Variants in EIF2B3 observed in about 807,000 individuals in gnomAD.
EIF2B3 encodes translation initiation factor eIF2B subunit gamma.
In EIF2B3, 20 loss-of-function variants were observed where a neutral mutation model predicts 54.1. That is an observed-to-expected ratio of 0.37 (90% CI 0.26 to 0.54). The LOEUF (loss-of-function observed/expected upper bound fraction) is 0.54, where lower values mean the gene tolerates loss of function less well. Among genes scored for constraint, EIF2B3 ranks in the 20% least tolerant of loss-of-function variants. The pLI, the probability that EIF2B3 is intolerant of heterozygous loss-of-function variation, is 0.86. For missense variants in EIF2B3, 448 were observed against 547.8 expected, an observed-to-expected ratio of 0.82 and a Z score of 1.82; for synonymous variants, 153 against 188.1, an observed-to-expected ratio of 0.81 and a Z score of 1.52.
intron 6 of EIF2B3, among the ~76,000 whole-genome samples, chr1:44,895,520 C>A (rs1001746175): frequency 6.6e-6 from 1 of 151,808 alleles, no homozygotes; most frequent in Non-Finnish European, 1.5e-5. Context: ...GCCTCTCTCT[C>A]TCTCTCTCTA....
Position 44,926,630 on chromosome 1 carries a change from C to A in EIF2B3, c.564G>T (p.Gln188His), listed in dbSNP as rs545295324. The A allele has an allele frequency of 5.0e-6, 8 of 1,613,284 alleles. No individual in the cohort carries two copies. Among genetic ancestry groups the A allele is most frequent in the Non-Finnish European group, 5.1e-6 (6 of 1,179,526 alleles). Residue 188 changes from glutamine (Q) to histidine (H), a missense_variant and splice_region_variant, in exon 5 of 12, where the codon CAG becomes CAT. Coordinates refer to ENST00000360403, the MANE Select transcript of EIF2B3 (RefSeq NM_020365.5). ...EELVIKGSIL[Q>H]KHPRIRFHTG... Reference sequence around the variant, plus strand: ...GAAGAAAAAACCCTAGGGCTTACTTCTGTAGGATGGATCCCTTAATGACCA... The same window carrying A: ...GAAGAAAAAACCCTAGGGCTTACTTATGTAGGATGGATCCCTTAATGACCA...
intron 10 of EIF2B3, 170 bp downstream of exon 10, chr1:44,874,508 C>G: frequency 1.5e-6 from 1 of 676,270 alleles, no homozygotes; most frequent in Non-Finnish European, 2.4e-6. Flanking sequence ...AATAAATTTC[C>G]TAGTAAAGTT....
At chr1:44,927,443 A>G (rs1643864940) in intron 4 of EIF2B3, among the ~76,000 whole-genome samples, 1 of 152,030 alleles carries the variant, frequency 6.6e-6, no homozygotes, top group South Asian at 2.1e-4. Context: ...TCACTATCAC[A>G]AGAACAGCAC....
At chr1:44,852,555 G>A (rs1023239441) in intron 11 of EIF2B3, among the ~76,000 whole-genome samples, 2 of 152,016 alleles carry the variant, frequency 1.3e-5, no homozygotes, top group Non-Finnish European at 2.9e-5. Context: ...CAAAGCAGGT[G>A]GATCACCTGA....
chr1:44,881,736 T>C lies in EIF2B3; in HGVS notation c.660A>G (p.Ser220=). The change falls in exon 7 of 12, where the codon TCA becomes TCG. Residue 220 remains serine, a synonymous_variant. Coordinates refer to ENST00000360403, the MANE Select transcript of EIF2B3 (RefSeq NM_020365.5). This position sits in a 1 kb window ranked among gnomAD's most constrained non-coding sequence, Gnocchi z 4.0. ...YIVDFLMENG[S]ITSIRSELIP... is the part of the protein sequence containing the mutation. ...TCAGTTCACTCCGGATAGAAGTTAT[T>C]GACCTAGAAAGAAAGAATGGCCAAA... is the stretch of plus-strand genomic sequence containing the variant. The C allele has an allele frequency of 6.2e-7, 1 of 1,614,136 alleles. No individual in the cohort carries two copies. The highest frequency in any genetic ancestry group is 8.5e-7 in the Non-Finnish European group (1 of 1,179,986).
intron 8 of EIF2B3, among the ~76,000 whole-genome samples, chr1:44,877,189 C>CAA (rs1655196149): frequency 3.4e-5 from 1 of 29,464 alleles, no homozygotes; most frequent in Non-Finnish European, 6.2e-5. Flanking sequence ...CAAGAATGAT[C>CAA]AATAAAAAAA....
chr1:44,950,242 G>A (rs1644145783), intron 3 of EIF2B3, among the ~76,000 whole-genome samples: 1 of 152,162 alleles, frequency 6.6e-6, no homozygotes, highest in Non-Finnish European at 1.5e-5. Flanking sequence ...GGGCAACATA[G>A]CGAGACCTTA....
intron 3 of EIF2B3, among the ~76,000 whole-genome samples, chr1:44,945,215 A>C (rs1302818693): frequency 6.6e-6 from 1 of 151,936 alleles, no homozygotes; most frequent in Non-Finnish European, 1.5e-5. Flanking sequence ...TCTTCTGCTT[A>C]AGGCTCTCTA....
Position 44,880,008 on chromosome 1 carries a change from T to C in EIF2B3, c.785A>G (p.Asp262Gly). Reference protein sequence around the residue: ...DLKKKELKSLDIYSFIKEANT... With the variant: ...DLKKKELKSLGIYSFIKEANT... ...GGCTTCTTTTATAAAACTGTAGATA[T>C]CTTCAGAACAAACACCCAACCAAGG... Residue 262 changes from aspartate (D) to glycine (G), a missense_variant and splice_region_variant, in exon 8 of 12, where the codon GAT becomes GGT. Asp to Gly is a moderately conservative substitution (Grantham distance 94). This residue lies in a region of EIF2B3 where 350 missense variants were observed against 414.2 expected (regional missense o/e 0.85). Coordinates refer to ENST00000360403, the MANE Select transcript of EIF2B3 (RefSeq NM_020365.5). The C allele has an allele frequency of 6.2e-7, 1 of 1,614,084 alleles. No homozygotes were observed. Among genetic ancestry groups the C allele is most frequent in the South Asian group, 1.1e-5 (1 of 91,078 alleles).
chr1:44,858,665 A>G (rs923768079), intron 10 of EIF2B3, among the ~76,000 whole-genome samples: 4 of 151,970 alleles, frequency 2.6e-5, no homozygotes, highest in African/African-American at 9.7e-5. Context: ...GGGTTTCACC[A>G]TGTTGGCCAG....
intron 3 of EIF2B3, among the ~76,000 whole-genome samples, chr1:44,948,926 G>A (rs1413561085): frequency 6.6e-6 from 1 of 152,008 alleles, no homozygotes; most frequent in African/African-American, 2.4e-5. Flanking sequence ...GGAGTAAAAT[G>A]GCACGATCAC....
At chr1:44,963,711 G>A (rs995725178) in intron 3 of EIF2B3, among the ~76,000 whole-genome samples, 13 of 152,096 alleles carry the variant, frequency 8.5e-5, no homozygotes, top group African/African-American at 3.1e-4. Context: ...TCCACTACTC[G>A]GGCTGTAATG....
At chr1:44,878,276 T>C (rs560384324) in intron 8 of EIF2B3, among the ~76,000 whole-genome samples, 78 of 152,304 alleles carry the variant, frequency 5.1e-4, no homozygotes, top group African/African-American at 1.8e-3. Context: ...CTTTTTCTTT[T>C]TTTTGAGACA....
chr1:44,935,709 C>T (rs1643940007), intron 4 of EIF2B3, among the ~76,000 whole-genome samples: 2 of 152,188 alleles, frequency 1.3e-5, no homozygotes, highest in South Asian at 4.1e-4. Flanking sequence ...CCATGTTGGT[C>T]AGGCTGGTCT....
At chr1:44,884,359 A>T (rs1035725601) in intron 6 of EIF2B3, among the ~76,000 whole-genome samples, 4 of 152,164 alleles carry the variant, frequency 2.6e-5, no homozygotes, top group African/African-American at 9.7e-5. Context: ...CACCTCTCCC[A>T]GCCCCCATTC....
chr1:44,947,093 A>G (rs1242782345), intron 3 of EIF2B3, among the ~76,000 whole-genome samples: 7 of 152,062 alleles, frequency 4.6e-5, no homozygotes, highest in Non-Finnish European at 1.0e-4. Flanking sequence ...GCAGAGACCA[A>G]CTGGCCTCTC....
At chr1:44,959,197 C>G (rs1273963933) in intron 3 of EIF2B3, 1 of 699,824 alleles carries the variant, frequency 1.4e-6, no homozygotes, top group East Asian at 2.5e-5. Context: ...AATAACAACT[C>G]CAAGTTTCCT....
At chr1:44,912,390 T>C (rs574178718) in intron 5 of EIF2B3, among the ~76,000 whole-genome samples, 1 of 152,366 alleles carries the variant, frequency 6.6e-6, no homozygotes, top group South Asian at 2.1e-4. Flanking sequence ...TACATACTTC[T>C]GTCAGATTAT....
At chr1:44,938,951 G>A (rs893986961) in intron 4 of EIF2B3, among the ~76,000 whole-genome samples, 7 of 151,544 alleles carry the variant, frequency 4.6e-5, no homozygotes, top group Admixed American at 4.6e-4. Context: ...AATACAAAAA[G>A]TTAGCCAGGC....
Sources: allele counts gnomAD v4.1 joint callset (sites outside exome capture counted in the v4.1 genomes callset), GRCh38; gene constraint gnomAD v4.1.1; regional missense constraint gnomAD v4.1.1; non-coding constraint Gnocchi (gnomAD v3.1); transcripts MANE v1.5; gene names NCBI Gene and HGNC (gene_info 2026-07-23, HGNC 2026-07-21).